The following IL1RAPL2 variants were observed in gnomAD, a reference collection of about 807,000 sequenced individuals.
The protein encoded by IL1RAPL2 is interleukin 1 receptor accessory protein like 2.
IL1RAPL2 carries 3 observed loss-of-function variants against 44.1 expected under a neutral mutation model. That is an observed-to-expected ratio of 0.07 (90% CI 0.03 to 0.18). IL1RAPL2 has a LOEUF of 0.18. Among genes scored for constraint, IL1RAPL2 ranks in the 10% least tolerant of loss-of-function variants. The probability of loss-of-function intolerance (pLI) is 1.00; values close to 1 mark genes in which losing one functional copy is unlikely to be tolerated. For missense variants in IL1RAPL2, 391 were observed against 496.4 expected, an observed-to-expected ratio of 0.79 and a Z score of 2.02; for synonymous variants, 181 against 178.8, an observed-to-expected ratio of 1.01 and a Z score of -0.10.
intron 2 of IL1RAPL2, among the ~76,000 whole-genome samples, chrX:104,841,042 A>G (rs1200065995): frequency 9.0e-6 from 1 of 110,874 alleles, no homozygotes; most frequent in Non-Finnish European, 1.9e-5. Flanking sequence ...GTAGGTCTCT[A>G]AGAACTTGTT....
chrX:105,526,639 G>A (rs2036596779), intron 6 of IL1RAPL2, among the ~76,000 whole-genome samples: 1 of 111,438 alleles, frequency 9.0e-6, no homozygotes, highest in Non-Finnish European at 1.9e-5. Flanking sequence ...TGCTATTATG[G>A]GCTTCATTAA....
At chrX:104,929,494 C>T (rs1232165940) in intron 2 of IL1RAPL2, among the ~76,000 whole-genome samples, 1 of 111,733 alleles carries the variant, frequency 8.9e-6, no homozygotes, top group African/African-American at 3.3e-5. Context: ...TTCTCAGTTC[C>T]AGAATTCCAC....
At chrX:104,906,280 A>T (rs1924000484) in intron 2 of IL1RAPL2, among the ~76,000 whole-genome samples, 1 of 110,805 alleles carries the variant, frequency 9.0e-6, no homozygotes, top group South Asian at 3.9e-4. Context: ...TCTTTTCCTA[A>T]TTGAATACCC....
At chrX:105,447,075 TTATATATATATATATATA>T (rs1205983853) in intron 5 of IL1RAPL2, among the ~76,000 whole-genome samples, 4 of 16,878 alleles carry the variant, frequency 2.4e-4, no homozygotes, top group Non-Finnish European at 3.5e-4. Context: ...CTGGTTAAAA[TTATATATATATATATATA>T]TATATATATA....
At chrX:105,491,704 C>G (rs1033806169) in intron 6 of IL1RAPL2, among the ~76,000 whole-genome samples, 2 of 111,707 alleles carry the variant, frequency 1.8e-5, no homozygotes, top group Non-Finnish European at 3.8e-5. Flanking sequence ...AACTGAAAAC[C>G]ATTCTATTGC....
chrX:105,575,179 T>A (rs951372093), intron 6 of IL1RAPL2, among the ~76,000 whole-genome samples: 5 of 112,103 alleles, frequency 4.5e-5, no homozygotes, highest in Non-Finnish European at 9.4e-5. Flanking sequence ...TTTTTTAATT[T>A]CCTTTTTTAA....
intron 5 of IL1RAPL2, among the ~76,000 whole-genome samples, chrX:105,382,928 A>G (rs1464599843): frequency 1.1e-5 from 1 of 87,450 alleles, no homozygotes; most frequent in Admixed American, 1.5e-4. Context: ...ATGAGAACAC[A>G]TGGGCACAGA....
At chrX:105,251,727 T>G (rs1003631040) in intron 4 of IL1RAPL2, among the ~76,000 whole-genome samples, 3 of 110,159 alleles carry the variant, frequency 2.7e-5, no homozygotes, top group Non-Finnish European at 3.8e-5. Flanking sequence ...GGATAAGTAA[T>G]TAAATATCAC....
chrX:104,999,429 G>A (rs2030811729), intron 2 of IL1RAPL2, among the ~76,000 whole-genome samples: 1 of 111,380 alleles, frequency 9.0e-6, no homozygotes, highest in African/African-American at 3.3e-5. Context: ...ACATCTCTAG[G>A]CAATGTTGTG....
chrX:105,388,705 A>C (rs773479657), intron 5 of IL1RAPL2, among the ~76,000 whole-genome samples: 1 of 111,016 alleles, frequency 9.0e-6, no homozygotes, highest in South Asian at 3.8e-4. Flanking sequence ...AAATCACCCC[A>C]TTAATTAGGA....
intron 5 of IL1RAPL2, among the ~76,000 whole-genome samples, chrX:105,420,142 C>T: frequency 9.1e-6 from 1 of 109,873 alleles, no homozygotes; most frequent in Middle Eastern, 4.7e-3. Context: ...TTCTTTGGTT[C>T]ACTGATTTTC....
At chrX:105,002,209 C>T (rs759014892) in intron 2 of IL1RAPL2, among the ~76,000 whole-genome samples, 7 of 110,762 alleles carry the variant, frequency 6.3e-5, no homozygotes, top group Non-Finnish European at 3.8e-5. Flanking sequence ...CTGCTATATA[C>T]AAAAAGCATG....
At chrX:104,605,577 C>A in intron 1 of IL1RAPL2, among the ~76,000 whole-genome samples, 1 of 110,953 alleles carries the variant, frequency 9.0e-6, no homozygotes, top group African/African-American at 3.3e-5. Flanking sequence ...GCTAGCCAGA[C>A]TAATAAAGAA....
At chrX:105,664,048 A>G (rs2037739329) in intron 6 of IL1RAPL2, among the ~76,000 whole-genome samples, 1 of 112,059 alleles carries the variant, frequency 8.9e-6, no homozygotes, top group South Asian at 3.7e-4. Context: ...ATATATGATA[A>G]CTTAAAACAA....
In IL1RAPL2 at chrX:105,325,493, G is replaced by A. The variant is rs760582830; in HGVS notation, c.697+57952G>A. On this transcript the variant is annotated intron_variant, in intron 5 of 10. Coordinates refer to ENST00000372582, the MANE Select transcript of IL1RAPL2 (RefSeq NM_017416.2). Reference sequence around the variant, plus strand: ...ATAAATAATATTGCTGTGAACATTCGTGTATAAGTTCTTGAATAAACATGT... The same window carrying A: ...ATAAATAATATTGCTGTGAACATTCATGTATAAGTTCTTGAATAAACATGT... Among the ~76,000 whole-genome samples, 17 of 102,478 alleles carry A rather than the reference G, an allele frequency of 1.7e-4. No individual in the cohort carries two copies. The Middle Eastern group carries it at 0.03, about 180-fold the overall frequency. The allele number at this position is 102,478 out of a possible 115,157, so 89.0% of individuals were successfully genotyped here.
intron 2 of IL1RAPL2, among the ~76,000 whole-genome samples, chrX:105,051,893 TAAG>T (rs1382641800): frequency 8.9e-6 from 1 of 111,930 alleles, no homozygotes; most frequent in East Asian, 2.8e-4. Context: ...AAACGGAACT[TAAG>T]AGGACGGGCC....
chrX:104,891,022 A>C (rs1017280764), intron 2 of IL1RAPL2, among the ~76,000 whole-genome samples: 10 of 111,737 alleles, frequency 8.9e-5, no homozygotes, highest in Non-Finnish European at 1.3e-4. Context: ...CATATGGCTA[A>C]CCAGTTTTCC....
chrX:105,712,145 CTG>C (rs2038216162), intron 6 of IL1RAPL2, among the ~76,000 whole-genome samples: 1 of 112,385 alleles, frequency 8.9e-6, no homozygotes. Flanking sequence ...TGGGAACTGT[CTG>C]TGGTAGCTCT....
intron 2 of IL1RAPL2, among the ~76,000 whole-genome samples, chrX:104,948,054 G>C (rs1353518333): frequency 1.6e-4 from 18 of 110,224 alleles, no homozygotes; most frequent in Non-Finnish European, 3.0e-4. Context: ...CATGAGCATG[G>C]AATATTCTTC....
Sources: gnomAD v4.1 joint callset for allele counts (sites outside exome capture counted in the v4.1 genomes callset) on GRCh38, gnomAD v4.1.1 for gene constraint, MANE v1.5 for transcripts, NCBI Gene and HGNC (gene_info 2026-07-23, HGNC 2026-07-21) for gene names.